Variants in ATE1 observed in about 807,000 individuals in gnomAD.
ATE1 encodes arginyltransferase 1.
ATE1 carries 36 observed loss-of-function variants against 70.5 expected under a neutral mutation model. The observed-to-expected ratio is 0.51, with a 90% CI of 0.39 to 0.67. The LOEUF (loss-of-function observed/expected upper bound fraction) is 0.67. Ranked by LOEUF, ATE1 falls within the 30% of genes least tolerant of loss-of-function variation. The pLI is 0.00. For missense variants in ATE1, 593 were observed against 629.5 expected, an observed-to-expected ratio of 0.94 and a Z score of 0.62; for synonymous variants, 232 against 219.3, an observed-to-expected ratio of 1.06 and a Z score of -0.51.
intron 8 of ATE1, among the ~76,000 whole-genome samples, chr10:121,854,576 C>T: frequency 6.6e-6 from 1 of 152,282 alleles, no homozygotes; most frequent in Non-Finnish European, 1.5e-5. Flanking sequence ...ACTTTGCTCA[C>T]TGTTTCTCTA....
At position 121,742,316 on chromosome 10, in the gene ATE1, GAAAGTTTA is replaced by G. The variant is rs987619206; in HGVS notation, c.*1356_*1363del. On this transcript the variant is annotated 3_prime_UTR_variant, in exon 12 of 12. Transcript: ENST00000224652. ...TGTCAAAATTCAGTACATTTTAGAG[GAAAGTTTA>G]AAATTAGCAACAGGATTCAAACTAC... is the stretch of plus-strand genomic sequence containing the variant. 7 of 152,248 alleles carry G rather than the reference GAAAGTTTA, an allele frequency of 4.6e-5. No individual in the cohort carries two copies. The highest frequency in any genetic ancestry group is 1.7e-4 in the African/African-American group (7 of 41,536). The allele number at this position is 152,248 out of a possible 1,614,324, so 9.4% of individuals were successfully genotyped here. A position where few individuals can be genotyped will look rare whatever the true frequency, so the allele number is the denominator to read the frequency against.
At chr10:121,912,652 C>T (rs1411771009) in intron 4 of ATE1, among the ~76,000 whole-genome samples, 1 of 151,494 alleles carries the variant, frequency 6.6e-6, no homozygotes, top group African/African-American at 2.4e-5. Flanking sequence ...ACTCCGTCTC[C>T]AAAAATAAAA....
intron 7 of ATE1, among the ~76,000 whole-genome samples, chr10:121,876,838 C>CAT (rs1950067751): frequency 6.6e-6 from 1 of 151,834 alleles, no homozygotes; most frequent in Non-Finnish European, 1.5e-5. Flanking sequence ...TGGTGGCGGG[C>CAT]GCCTGTAGTC....
intron 8 of ATE1, among the ~76,000 whole-genome samples, chr10:121,849,138 G>A (rs191430381): frequency 3.3e-5 from 5 of 150,794 alleles, no homozygotes; most frequent in Non-Finnish European, 5.9e-5. Flanking sequence ...TTGATCCCAG[G>A]AGGTGGAGAT....
chr10:121,870,093 G>A (rs1034777039), intron 7 of ATE1, 55 bp from the exon 8 acceptor site: 8 of 1,525,752 alleles, frequency 5.2e-6, no homozygotes, highest in South Asian at 1.2e-5. Context: ...CGGCAAAAAG[G>A]AACACAGAGA....
intron 11 of ATE1, among the ~76,000 whole-genome samples, chr10:121,758,835 T>A (rs571764383): frequency 3.3e-5 from 5 of 152,304 alleles, no homozygotes; most frequent in African/African-American, 1.2e-4. Context: ...TGATGTTAAC[T>A]ACTGTAATTG....
chr10:121,853,196 C>T (rs1191256891), intron 8 of ATE1, among the ~76,000 whole-genome samples: 2 of 151,888 alleles, frequency 1.3e-5, no homozygotes, highest in African/African-American at 2.4e-5. Context: ...AACCCCGTCT[C>T]TACTAAAAAT....
chr10:121,910,823 G>A, intron 5 of ATE1, 83 bp downstream of exon 5: 1 of 1,575,164 alleles, frequency 6.3e-7, no homozygotes, highest in Non-Finnish European at 8.7e-7. Context: ...CATCCTTTTG[G>A]CTGATGGAAA....
chr10:121,791,814 A>C (rs1946464147), intron 10 of ATE1, among the ~76,000 whole-genome samples: 1 of 152,228 alleles, frequency 6.6e-6, no homozygotes, highest in Admixed American at 6.5e-5. Flanking sequence ...TGAACCACCA[A>C]AACTGCTTTT....
Position 121,777,445 on chromosome 10 carries a change from G to A in ATE1, c.1378+12724C>T, listed in dbSNP as rs78791612. Among the ~76,000 whole-genome samples, 907 of 147,740 alleles carry A rather than the reference G, an allele frequency of 6.1e-3. 9 individuals are homozygous for A. Among genetic ancestry groups the A allele is most frequent in the Non-Finnish European group, 5.0e-3 (343 of 67,984 alleles). ...CAGAATGCAGGATTCCATCAAGTTCGAATCTCTTTAGAGTTAAAAAGGAAT... is the reference window on the plus strand; with the variant it reads ...CAGAATGCAGGATTCCATCAAGTTCAAATCTCTTTAGAGTTAAAAAGGAAT... On this transcript the variant is annotated intron_variant, in intron 11 of 11. Transcript: ENST00000224652.
chr10:121,896,261 G>A (rs986734702), intron 7 of ATE1, among the ~76,000 whole-genome samples: 9 of 152,094 alleles, frequency 5.9e-5, no homozygotes, highest in Non-Finnish European at 1.2e-4. Context: ...TACATTAGGA[G>A]GCACGTATCT....
chr10:121,899,065 G>T, intron 7 of ATE1: 1 of 1,395,862 alleles, frequency 7.2e-7, no homozygotes, highest in Non-Finnish European at 9.6e-7. Context: ...ACAAATCCAC[G>T]CCAAAGCTCG....
chr10:121,868,620 C>T (rs565522957), intron 8 of ATE1, among the ~76,000 whole-genome samples: 1 of 152,140 alleles, frequency 6.6e-6, no homozygotes, highest in Admixed American at 6.5e-5. Context: ...TTTTAATATC[C>T]CTGTAAGTAT....
At chr10:121,891,857 ATAAT>A (rs1206763150) in intron 7 of ATE1, among the ~76,000 whole-genome samples, 1 of 152,218 alleles carries the variant, frequency 6.6e-6, no homozygotes, top group Non-Finnish European at 1.5e-5. Flanking sequence ...TTTCTTGAAC[ATAAT>A]TAGTTTTCCC....
chr10:121,770,078 C>A (rs1014010456), intron 11 of ATE1, among the ~76,000 whole-genome samples: 1 of 152,052 alleles, frequency 6.6e-6, no homozygotes, highest in Non-Finnish European at 1.5e-5. Flanking sequence ...TGGTAACAGT[C>A]CTAAACTGAA....
intron 10 of ATE1, among the ~76,000 whole-genome samples, chr10:121,827,018 ATT>A (rs34739140): frequency 4.9e-4 from 72 of 146,028 alleles, no homozygotes; most frequent in East Asian, 2.2e-3. Flanking sequence ...ATGGGCAATA[ATT>A]TTTTTTTTTT....
intron 1 of ATE1, chr10:121,927,230 G>A (rs1952129386): frequency 1.0e-6 from 1 of 985,256 alleles, no homozygotes; most frequent in Non-Finnish European, 1.2e-6. Flanking sequence ...GTGGGTGGAG[G>A]AAAGACACGG....
intron 5 of ATE1, among the ~76,000 whole-genome samples, chr10:121,910,415 A>G (rs1951374555): frequency 1.3e-5 from 2 of 152,200 alleles, no homozygotes; most frequent in African/African-American, 4.8e-5. Flanking sequence ...AATAACATAA[A>G]AAAATCTTAC....
rs144465302 is a variant in ATE1, at chr10:121,922,573, G to A, written c.171-162C>T. On this transcript the variant is annotated intron_variant, in intron 2 of 11. Coordinates refer to ENST00000224652, the MANE Select transcript of ATE1 (RefSeq NM_001001976.3). The stretch of plus-strand genomic sequence containing the variant: ...ATAAGCCAAATAATCTTCAAAGTGC[G>A]TGTAGCAAAGTTTAGAACCCTGCCT... 3.8e-4 allele frequency among the ~76,000 whole-genome samples: 58 copies of A among 152,258 alleles called. No homozygotes were observed. In the East Asian group the frequency reaches 0.01, roughly 26 times the overall value.
Sources: gnomAD v4.1 joint callset for allele counts (sites outside exome capture counted in the v4.1 genomes callset) on GRCh38, gnomAD v4.1.1 for gene constraint, MANE v1.5 for transcripts, NCBI Gene and HGNC (gene_info 2026-07-23, HGNC 2026-07-21) for gene names.